ARHGEF10: variants seen among roughly 807,000 people sequenced by gnomAD.
ARHGEF10 encodes the protein Rho guanine nucleotide exchange factor (GEF) 10.
A neutral mutation model predicts 147.4 loss-of-function variants in ARHGEF10; 140 were observed. The observed-to-expected ratio is 0.95, with a 90% CI of 0.83 to 1.09. The LOEUF is 1.09. ARHGEF10 is among the 50% of genes least tolerant of loss of function. ARHGEF10 has a pLI of 0.00. For synonymous variants in ARHGEF10, 902 were observed against 695.8 expected, an observed-to-expected ratio of 1.30 and a Z score of -4.67; for missense variants, 2,222 against 1,752.7, an observed-to-expected ratio of 1.27 and a Z score of -4.78.
chr8:1,920,201 A>G (rs1174000172), intron 18 of ARHGEF10, among the ~76,000 whole-genome samples: 1 of 152,232 alleles, frequency 6.6e-6, no homozygotes, highest in African/African-American at 2.4e-5. Context: ...GTGTGAAAAT[A>G]TATAGAGCCG....
intron 11 of ARHGEF10, among the ~76,000 whole-genome samples, chr8:1,887,632 C>T (rs868191568): frequency 7.9e-6 from 1 of 126,742 alleles, no homozygotes; most frequent in Middle Eastern, 4.3e-3. Context: ...TGTGAGGAGA[C>T]TGTGAGTGAG....
intron 26 of ARHGEF10, among the ~76,000 whole-genome samples, chr8:1,941,630 G>A (rs1404798150): frequency 1.3e-5 from 2 of 151,800 alleles, no homozygotes; most frequent in African/African-American, 4.8e-5. Context: ...GATTCATCTG[G>A]AAATGCAGGG....
chr8:1,865,707 C>T (rs1396182607), intron 5 of ARHGEF10, among the ~76,000 whole-genome samples: 2 of 131,632 alleles, frequency 1.5e-5, no homozygotes, highest in African/African-American at 2.9e-5. Context: ...GTGCTCTGCA[C>T]GGATTATCAC....
intron 2 of ARHGEF10, among the ~76,000 whole-genome samples, chr8:1,852,153 C>T (rs921560439): frequency 4.6e-5 from 7 of 152,164 alleles, no homozygotes; most frequent in African/African-American, 1.2e-4. Flanking sequence ...GTCACACTGG[C>T]CACCCCAAGT....
chr8:1,935,186 T>G (rs13279485), intron 26 of ARHGEF10, among the ~76,000 whole-genome samples: 2 of 152,084 alleles, frequency 1.3e-5, no homozygotes, highest in Non-Finnish European at 2.9e-5. Context: ...GAATTTTCCA[T>G]GTACCCCTCC....
intron 1 of ARHGEF10, among the ~76,000 whole-genome samples, chr8:1,836,506 A>G (rs1803589221): frequency 1.3e-5 from 2 of 152,110 alleles, no homozygotes; most frequent in Admixed American, 6.5e-5. Flanking sequence ...AAGACTGCAC[A>G]CAGAAGACAG....
chr8:1,952,343 G>T (rs1815123830), intron 27 of ARHGEF10, among the ~76,000 whole-genome samples: 1 of 152,172 alleles, frequency 6.6e-6, no homozygotes, highest in African/African-American at 2.4e-5. Flanking sequence ...TGTATGTCGG[G>T]GGCTCACGAG....
chr8:1,921,064 G>A (rs1812250378), intron 18 of ARHGEF10, among the ~76,000 whole-genome samples: 1 of 152,306 alleles, frequency 6.6e-6, no homozygotes, highest in East Asian at 1.9e-4. Flanking sequence ...GGGATTACAG[G>A]AGTGAGCCAC....
intron 10 of ARHGEF10, among the ~76,000 whole-genome samples, chr8:1,882,966 G>C (rs1346262031): frequency 2.6e-5 from 4 of 152,208 alleles, no homozygotes; most frequent in African/African-American, 9.6e-5. Flanking sequence ...CAGCAGCAGA[G>C]AATCATTGAG....
chr8:1,949,546 G>C (rs1191844944), intron 27 of ARHGEF10, among the ~76,000 whole-genome samples: 2 of 152,156 alleles, frequency 1.3e-5, no homozygotes, highest in Admixed American at 1.3e-4. Context: ...GTTCAAAGGA[G>C]GATATTTTTG....
chr8:1,919,227 TG>T (rs1328659557), intron 18 of ARHGEF10, among the ~76,000 whole-genome samples: 71 of 144,364 alleles, frequency 4.9e-4, no homozygotes, highest in Middle Eastern at 4.2e-3. Flanking sequence ...CCGTGGGTGA[TG>T]GAGCTGTTCT....
chr8:1,848,125 A>C (rs531052079), intron 2 of ARHGEF10, among the ~76,000 whole-genome samples: 1 of 152,244 alleles, frequency 6.6e-6, no homozygotes, highest in African/African-American at 2.4e-5. Context: ...TTCGCTAAAG[A>C]AAACAGAAAA....
chr8:1,838,124 A>G (rs549191929), intron 1 of ARHGEF10, among the ~76,000 whole-genome samples: 2 of 152,306 alleles, frequency 1.3e-5, no homozygotes, highest in African/African-American at 4.8e-5. Context: ...CGTGGAAGGA[A>G]CAGACCTTGG....
intron 10 of ARHGEF10, among the ~76,000 whole-genome samples, chr8:1,885,051 C>T (rs1808540469): frequency 6.6e-6 from 1 of 152,172 alleles, no homozygotes; most frequent in African/African-American, 2.4e-5. Context: ...GGGAGTGAGC[C>T]ACCCCACCCA....
intron 23 of ARHGEF10, 46 bp downstream of exon 23, chr8:1,926,509 A>G (rs755048914): frequency 1.2e-5 from 18 of 1,552,252 alleles, no homozygotes; most frequent in Admixed American, 5.0e-5. Flanking sequence ...CAGAGAATCA[A>G]CGTTCATGGT....
chr8:1,874,841 G>C (rs113217544), intron 7 of ARHGEF10, among the ~76,000 whole-genome samples: 2 of 123,302 alleles, frequency 1.6e-5, no homozygotes, highest in African/African-American at 3.2e-5. Flanking sequence ...ACACCACGGC[G>C]TGTAGGGGGT....
Position 1,903,501 on chromosome 8 carries a change from G to A in ARHGEF10, c.1821+50G>A, listed in dbSNP as rs781112041. On this transcript the variant is annotated intron_variant, in intron 16 of 28. Transcript: ENST00000349830. ...TATTCCAAAATTATTTTTGCTTTGT[G>A]CTAATAAGCTGTCGTTGTCCAGCAA... 1.9e-6 allele frequency: 3 copies of A among 1,603,212 alleles called. No individual in the cohort carries two copies. In the African/African-American group the frequency reaches 4.0e-5, roughly 21 times the overall value.
chr8:1,834,975 G>A (rs1255923505), intron 1 of ARHGEF10, among the ~76,000 whole-genome samples: 1 of 152,236 alleles, frequency 6.6e-6, no homozygotes, highest in Non-Finnish European at 1.5e-5. Flanking sequence ...GTGGGAGGAT[G>A]GAGGAAATGG....
At chr8:1,910,844 T>G (rs186343309) in intron 18 of ARHGEF10, among the ~76,000 whole-genome samples, 122 of 152,358 alleles carry the variant, frequency 8.0e-4, no homozygotes, top group African/African-American at 2.8e-3. Flanking sequence ...TAAGATGGCC[T>G]TATTGTATTT....
Sources: gnomAD v4.1 joint callset for allele counts (sites outside exome capture counted in the v4.1 genomes callset) on GRCh38, gnomAD v4.1.1 for gene constraint, MANE v1.5 for transcripts, NCBI Gene and HGNC (gene_info 2026-07-23, HGNC 2026-07-21) for gene names.